Variants in KCNJ6 observed in about 807,000 individuals in gnomAD.
The protein encoded by KCNJ6 is G protein-activated inward rectifier potassium channel 2.
Under a neutral mutation model 34.2 loss-of-function variants are expected in KCNJ6, and 9 were observed. That is an observed-to-expected ratio of 0.26 (90% CI 0.16 to 0.46). The LOEUF (loss-of-function observed/expected upper bound fraction) is 0.46, where lower values mean the gene tolerates loss of function less well. KCNJ6 is among the 20% of genes least tolerant of loss of function. The pLI is 1.00. For synonymous variants in KCNJ6, 196 were observed against 207.1 expected, an observed-to-expected ratio of 0.95 and a Z score of 0.46; for missense variants, 236 against 531.3, an observed-to-expected ratio of 0.44 and a Z score of 5.46.
intron 1 of KCNJ6, among the ~76,000 whole-genome samples, chr21:37,898,039 T>C (rs1254632207): frequency 6.6e-6 from 1 of 152,246 alleles, no homozygotes; most frequent in East Asian, 1.9e-4. Flanking sequence ...TGCTCACTAC[T>C]GTGGGTTCTC....
chr21:37,813,482 C>T (rs2055332418), intron 2 of KCNJ6, among the ~76,000 whole-genome samples: 1 of 152,182 alleles, frequency 6.6e-6, no homozygotes, highest in Non-Finnish European at 1.5e-5. Flanking sequence ...CTGGAGGAAT[C>T]ACATTACTTG....
At chr21:37,659,181 C>CT (rs1556015274) in intron 3 of KCNJ6, among the ~76,000 whole-genome samples, 3 of 152,028 alleles carry the variant, frequency 2.0e-5, no homozygotes, top group African/African-American at 7.2e-5. Context: ...CCCTGTTTTT[C>CT]TTTTTTTTCC....
At chr21:37,731,794 G>A (rs913357374) in intron 2 of KCNJ6, among the ~76,000 whole-genome samples, 1 of 152,236 alleles carries the variant, frequency 6.6e-6, no homozygotes, top group African/African-American at 2.4e-5. Flanking sequence ...TAGTGCTCAG[G>A]AGGAGCAGAG....
At chr21:37,770,361 A>AT (rs58798005) in intron 2 of KCNJ6, among the ~76,000 whole-genome samples, 1,641 of 148,338 alleles carry the variant, frequency 0.011, 37 homozygotes, top group African/African-American at 0.038. Context: ...GAACTGCATG[A>AT]TTTTTTTTTT....
At chr21:37,899,653 A>G (rs1294804455) in intron 1 of KCNJ6, among the ~76,000 whole-genome samples, 1 of 152,194 alleles carries the variant, frequency 6.6e-6, no homozygotes, top group Admixed American at 6.5e-5. Context: ...AGGTGGGAAG[A>G]GTTCAAGGCC....
At chr21:37,735,885 G>C (rs555752717) in intron 2 of KCNJ6, among the ~76,000 whole-genome samples, 1 of 152,192 alleles carries the variant, frequency 6.6e-6, no homozygotes, top group Non-Finnish European at 1.5e-5. Flanking sequence ...TCCTTGAAAG[G>C]TTTCCTAAGG....
rs146901342 is a variant in KCNJ6, at chr21:37,679,682, G to A, written c.946+34529C>T. On this transcript the variant is annotated intron_variant, in intron 3 of 3. Coordinates refer to ENST00000609713, the MANE Select transcript of KCNJ6 (RefSeq NM_002240.5). ...CTGTCAATCCAAGCTCAGCCCAAGG[G>A]TTAGTGTGTTCATTGGCCAGTGGAA... Among the ~76,000 whole-genome samples, 5 of 107,604 alleles carry A rather than the reference G, an allele frequency of 4.6e-5. No homozygotes were observed. In the East Asian group the frequency reaches 1.4e-3, roughly 31 times the overall value. The allele number at this position is 107,604 out of a possible 152,430, so 70.6% of individuals were successfully genotyped here.
chr21:37,748,748 A>T lies in KCNJ6; in HGVS notation c.26-33617T>A, dbSNP rs536124438. Among the ~76,000 whole-genome samples the T allele has an allele frequency of 1.2e-4, 18 of 152,268 alleles. No individual in the cohort carries two copies. The South Asian group carries it at 2.7e-3, about 23-fold the overall frequency. On this transcript the variant is annotated intron_variant, in intron 2 of 3. Transcript: ENST00000609713. ...TTGCAATTTACTTTTTGTTCACTTT[A>T]TGCAAATTCATACTTGGCTTTGTAG... is the stretch of plus-strand genomic sequence containing the variant.
At chr21:37,776,402 A>G (rs767776563) in intron 2 of KCNJ6, among the ~76,000 whole-genome samples, 1 of 152,140 alleles carries the variant, frequency 6.6e-6, no homozygotes, top group East Asian at 1.9e-4. Flanking sequence ...GGAGTGGGGA[A>G]AGAGGGCATC....
intron 2 of KCNJ6, among the ~76,000 whole-genome samples, chr21:37,729,400 T>C (rs920427354): frequency 6.6e-6 from 1 of 152,064 alleles, no homozygotes; most frequent in African/African-American, 2.4e-5. Context: ...CACAGCTCAC[T>C]GTAGCCTCAA....
chr21:37,651,819 G>A (rs1193358729), intron 3 of KCNJ6, among the ~76,000 whole-genome samples: 1 of 152,174 alleles, frequency 6.6e-6, no homozygotes, highest in Admixed American at 6.5e-5. Flanking sequence ...AAAGTCTTCT[G>A]GAACTTTAGG....
rs1000558380 is a variant in KCNJ6, at chr21:37,621,483, G to A, written c.*3676C>T. The A allele has an allele frequency of 6.6e-6, 1 of 152,196 alleles. No homozygotes were observed. The highest frequency in any genetic ancestry group is 1.5e-5 in the Non-Finnish European group (1 of 68,024). 9.4% of individuals were successfully genotyped at this position (152,196 alleles called of 1,614,324 possible). A position where few individuals can be genotyped will look rare whatever the true frequency, so the allele number is the denominator to read the frequency against. ...TAAGAAAACTGAAATGTAAGAAAAT[G>A]TAGGGATGGAAAGCATAAGAATGTT... On this transcript the variant is annotated 3_prime_UTR_variant, in exon 4 of 4. Transcript: ENST00000609713.
At chr21:37,791,316 G>A (rs1341129564) in intron 2 of KCNJ6, among the ~76,000 whole-genome samples, 5 of 152,216 alleles carry the variant, frequency 3.3e-5, no homozygotes, top group African/African-American at 1.2e-4. Flanking sequence ...CTCTGACCTG[G>A]GGTTTGTGAA....
At chr21:37,737,689 T>G (rs1177827973) in intron 2 of KCNJ6, among the ~76,000 whole-genome samples, 1 of 152,038 alleles carries the variant, frequency 6.6e-6, no homozygotes, top group Admixed American at 6.6e-5. Flanking sequence ...GGGGACAGAG[T>G]CTGAGTCACA....
chr21:37,671,091 T>A (rs979983268), intron 3 of KCNJ6, among the ~76,000 whole-genome samples: 15 of 152,206 alleles, frequency 9.9e-5, no homozygotes, highest in Non-Finnish European at 2.1e-4. Flanking sequence ...GTGTTAAGAA[T>A]GTCTTTTGTT....
rs1199398192 is a variant in KCNJ6, at chr21:37,611,253, A to G, written c.*13906T>C. 2.6e-5 allele frequency: 4 copies of G among 152,208 alleles called. No individual in the cohort carries two copies. Among genetic ancestry groups the G allele is most frequent in the African/African-American group, 9.6e-5 (4 of 41,452 alleles). The allele number at this position is 152,208 out of a possible 1,614,324, so 9.4% of individuals were successfully genotyped here. ...AAATTTGATAATGTAGATGAAATGAACCAATTCCTTGAAAAATAGAATTTG... is the reference window on the plus strand; with the variant it reads ...AAATTTGATAATGTAGATGAAATGAGCCAATTCCTTGAAAAATAGAATTTG... On this transcript the variant is annotated 3_prime_UTR_variant, in exon 4 of 4. Coordinates refer to ENST00000609713, the MANE Select transcript of KCNJ6 (RefSeq NM_002240.5).
chr21:37,876,547 A>G (rs1254994827), intron 1 of KCNJ6, among the ~76,000 whole-genome samples: 6 of 152,150 alleles, frequency 3.9e-5, no homozygotes, highest in Non-Finnish European at 7.3e-5. Flanking sequence ...ATCACCCAAA[A>G]TAATGATATC....
chr21:37,725,915 G>GT (rs1480983882), intron 2 of KCNJ6, among the ~76,000 whole-genome samples: 1 of 151,934 alleles, frequency 6.6e-6, no homozygotes, highest in African/African-American at 2.4e-5. Flanking sequence ...TTTGTTTTTT[G>GT]TTTTTTTGAG....
At chr21:37,846,490 A>G (rs1266975432) in intron 1 of KCNJ6, among the ~76,000 whole-genome samples, 1 of 151,486 alleles carries the variant, frequency 6.6e-6, no homozygotes, top group Admixed American at 6.6e-5. Flanking sequence ...TTTCTGCTGC[A>G]TGGGGCTCCC....
Sources: allele counts gnomAD v4.1 joint callset (sites outside exome capture counted in the v4.1 genomes callset), GRCh38; gene constraint gnomAD v4.1.1; transcripts MANE v1.5; gene names NCBI Gene and HGNC (gene_info 2026-07-23, HGNC 2026-07-21).